Variants in FGD4 observed in about 807,000 individuals in gnomAD.
FGD4 encodes FYVE, RhoGEF and PH domain-containing protein 4.
Under a neutral mutation model 102.0 loss-of-function variants are expected in FGD4, and 42 were observed. That is an observed-to-expected ratio of 0.41 (90% CI 0.32 to 0.53). FGD4 has a LOEUF of 0.53. Ranked by LOEUF, FGD4 falls within the 20% of genes least tolerant of loss-of-function variation. The pLI is 0.21. For synonymous variants in FGD4, 380 were observed against 375.7 expected (o/e 1.01, Z -0.13); for missense variants, 902 against 1,078.2 (o/e 0.84, Z 2.29).
chr12:32,640,162 C>T, intron 16 of FGD4, 114 bp from the exon 17 acceptor site: 1 of 1,528,522 alleles, frequency 6.5e-7, no homozygotes, highest in Non-Finnish European at 9.0e-7. Flanking sequence ...ATGGAGAACT[C>T]ACCGTTTAAG....
intron 1 of FGD4, among the ~76,000 whole-genome samples, chr12:32,500,149 G>C (rs1277837725): frequency 6.6e-6 from 1 of 152,166 alleles, no homozygotes; most frequent in East Asian, 1.9e-4. Context: ...TTTGGTCTCA[G>C]ACAAATGAGG....
At chr12:32,608,368 A>G (rs1338723581) in intron 8 of FGD4, among the ~76,000 whole-genome samples, 1 of 152,348 alleles carries the variant, frequency 6.6e-6, no homozygotes, top group Non-Finnish European at 1.5e-5. Flanking sequence ...AAAGACATCT[A>G]GAATAGCAAT....
chr12:32,507,132 A>C (rs1480932686), intron 1 of FGD4, among the ~76,000 whole-genome samples: 1 of 128,072 alleles, frequency 7.8e-6, no homozygotes, highest in Non-Finnish European at 1.5e-5. Flanking sequence ...TCCTGTGTCC[A>C]TGTGTTCTCA....
At chr12:32,481,512 A>G (rs1271728749) in intron 1 of FGD4, among the ~76,000 whole-genome samples, 2 of 152,168 alleles carry the variant, frequency 1.3e-5, no homozygotes, top group African/African-American at 2.4e-5. Context: ...GCCGTCCACT[A>G]GCCACAGATT....
intron 1 of FGD4, among the ~76,000 whole-genome samples, chr12:32,537,874 T>A (rs1298872543): frequency 6.6e-6 from 1 of 152,112 alleles, no homozygotes; most frequent in East Asian, 1.9e-4. Flanking sequence ...AGCTTTACTT[T>A]CGTTATAGCA....
chr12:32,551,065 G>C (rs559810685), intron 1 of FGD4, among the ~76,000 whole-genome samples: 1 of 152,176 alleles, frequency 6.6e-6, no homozygotes, highest in Non-Finnish European at 1.5e-5. Flanking sequence ...TCATGATTTT[G>C]CCAGAATTTA....
chr12:32,558,691 G>A (rs761352563), intron 1 of FGD4, among the ~76,000 whole-genome samples: 10 of 152,196 alleles, frequency 6.6e-5, no homozygotes, highest in African/African-American at 2.4e-4. Flanking sequence ...GTGACTTAGC[G>A]CATGACTGTT....
At chr12:32,510,713 G>C (rs527737127) in intron 1 of FGD4, among the ~76,000 whole-genome samples, 1 of 152,216 alleles carries the variant, frequency 6.6e-6, no homozygotes, top group Middle Eastern at 3.4e-3. Flanking sequence ...GGAATGTCCT[G>C]TTCAAGAACT....
intron 1 of FGD4, among the ~76,000 whole-genome samples, chr12:32,402,442 T>G (rs1241151275): frequency 7.1e-6 from 1 of 140,408 alleles, no homozygotes; most frequent in Non-Finnish European, 1.6e-5. Context: ...GGGAGGGGAG[T>G]CAGAGAGAGA....
chr12:32,469,432 C>G (rs1354844953), intron 1 of FGD4, among the ~76,000 whole-genome samples: 1 of 151,690 alleles, frequency 6.6e-6, no homozygotes, highest in Non-Finnish European at 1.5e-5. Flanking sequence ...GTGTGTGCCA[C>G]CATGCCTGGA....
intron 1 of FGD4, among the ~76,000 whole-genome samples, chr12:32,500,508 A>C (rs1392631282): frequency 3.3e-5 from 5 of 151,758 alleles, no homozygotes; most frequent in South Asian, 2.1e-4. Flanking sequence ...ATCTTGGCTC[A>C]TTGCAACCTC....
chr12:32,467,510 C>CAT (rs1943292137), intron 1 of FGD4, among the ~76,000 whole-genome samples: 1 of 152,144 alleles, frequency 6.6e-6, no homozygotes, highest in Non-Finnish European at 1.5e-5. Flanking sequence ...ACTGTTTAAC[C>CAT]ATATTGTCTC....
intron 1 of FGD4, among the ~76,000 whole-genome samples, chr12:32,529,480 A>G (rs1941583321): frequency 6.6e-6 from 1 of 152,106 alleles, no homozygotes; most frequent in Non-Finnish European, 1.5e-5. Context: ...GTTAAATACT[A>G]ACATTTACTA....
At chr12:32,400,075 C>T in intron 1 of FGD4, 116 bp downstream of exon 1, 1 of 1,354,452 alleles carries the variant, frequency 7.4e-7, no homozygotes, top group Non-Finnish European at 9.6e-7. Flanking sequence ...GTAACTGGTT[C>T]GGGAGGTTCA....
chr12:32,591,580 C>A (rs12316269), intron 4 of FGD4, among the ~76,000 whole-genome samples: 13,800 of 152,208 alleles, frequency 0.091, 2,090 homozygotes, highest in African/African-American at 0.31. Context: ...GTGGATGGCA[C>A]CAAGATTTTG....
intron 4 of FGD4, among the ~76,000 whole-genome samples, chr12:32,591,702 CA>C (rs985389872): frequency 6.6e-5 from 10 of 152,128 alleles, no homozygotes; most frequent in African/African-American, 2.4e-4. Flanking sequence ...AGAGTCATGC[CA>C]AAAGGTCTGA....
intron 4 of FGD4, among the ~76,000 whole-genome samples, chr12:32,592,314 T>G (rs1947551196): frequency 6.6e-6 from 1 of 151,878 alleles, no homozygotes; most frequent in African/African-American, 2.4e-5. Context: ...CTATTTAAAA[T>G]AAAGGGATAT....
intron 8 of FGD4, among the ~76,000 whole-genome samples, chr12:32,609,817 C>T (rs565417349): frequency 5.3e-5 from 8 of 152,174 alleles, no homozygotes; most frequent in South Asian, 2.1e-4. Context: ...TTAAGCAGGC[C>T]GGTATTCACA....
At chr12:32,571,494 A>C (rs1945663659) in intron 2 of FGD4, among the ~76,000 whole-genome samples, 1 of 152,184 alleles carries the variant, frequency 6.6e-6, no homozygotes, top group Admixed American at 6.5e-5. Flanking sequence ...GTTAACCTAT[A>C]ATCATGGGTT....
Sources: allele counts gnomAD v4.1 joint callset (sites outside exome capture counted in the v4.1 genomes callset), GRCh38; gene constraint gnomAD v4.1.1; transcripts MANE v1.5; gene names NCBI Gene and HGNC (gene_info 2026-07-23, HGNC 2026-07-21).